Variants in KIAA0825 observed in about 807,000 individuals in gnomAD.
KIAA0825 encodes uncharacterized protein KIAA0825.
Under a neutral mutation model 147.6 loss-of-function variants are expected in KIAA0825, and 119 were observed. The ratio of observed to expected loss-of-function variants is 0.81; its 90% CI spans 0.69 to 0.94. The LOEUF (loss-of-function observed/expected upper bound fraction) is 0.94, where lower values mean the gene tolerates loss of function less well. Ranked by LOEUF, KIAA0825 falls within the 40% of genes least tolerant of loss-of-function variation. The pLI is 0.00. For synonymous variants in KIAA0825, 470 were observed against 518.1 expected (o/e 0.91, Z 1.26); for missense variants, 1,381 against 1,472.7 (o/e 0.94, Z 1.02).
chr5:94,265,975 C>T (rs892905730), intron 20 of KIAA0825, among the ~76,000 whole-genome samples: 6 of 152,138 alleles, frequency 3.9e-5, no homozygotes, highest in Admixed American at 2.6e-4. Flanking sequence ...ACTGCATACC[C>T]AAGTACAATG....
chr5:94,494,820 G>T (rs1029912362), intron 5 of KIAA0825, among the ~76,000 whole-genome samples: 3 of 152,002 alleles, frequency 2.0e-5, no homozygotes, highest in Admixed American at 2.0e-4. Context: ...TTGAACCTGA[G>T]AATTTATATT....
rs942322608 is a variant in KIAA0825, at chr5:94,345,197, G to T, written c.3710+39171C>A. Among the ~76,000 whole-genome samples, 13 of 152,062 alleles carry T rather than the reference G, an allele frequency of 8.5e-5. No individual in the cohort carries two copies. In the South Asian group the frequency reaches 1.2e-3, roughly 15 times the overall value. On this transcript the variant is annotated intron_variant, in intron 20 of 20. Transcript: ENST00000682413. ...AGGGTGGGGAACTTCAAGGGTGCTGGCAATATTCTATTCCTGGGCATAGGT... is the reference window on the plus strand; with the variant it reads ...AGGGTGGGGAACTTCAAGGGTGCTGTCAATATTCTATTCCTGGGCATAGGT...
intron 20 of KIAA0825, among the ~76,000 whole-genome samples, chr5:94,358,825 G>A (rs534497069): frequency 6.6e-6 from 1 of 152,176 alleles, no homozygotes; most frequent in South Asian, 2.1e-4. Context: ...AAATTATTAT[G>A]TTTACACATT....
At chr5:94,461,169 T>G (rs1237797819) in intron 12 of KIAA0825, among the ~76,000 whole-genome samples, 3 of 151,976 alleles carry the variant, frequency 2.0e-5, no homozygotes, top group Non-Finnish European at 4.4e-5. Flanking sequence ...ATGCAATCTT[T>G]GATAATAATT....
chr5:94,165,698 C>T (rs928669608), intron 20 of KIAA0825, among the ~76,000 whole-genome samples: 3 of 152,124 alleles, frequency 2.0e-5, no homozygotes, highest in African/African-American at 7.2e-5. Context: ...CTGTCATTTG[C>T]AACAGCACGG....
At position 94,593,384 on chromosome 5, in the gene KIAA0825, G is replaced by A. The variant is rs761959485; in HGVS notation, c.-152-10801C>T. ...GTCAACATATCTTCTTTAATATCAC[G>A]ACATTTTCAAGAACAACTGGTGAAC... is the stretch of plus-strand genomic sequence containing the variant. On this transcript the variant is annotated intron_variant, in intron 1 of 20. Transcript: ENST00000682413. The A allele has an allele frequency of 1.4e-4, 144 of 1,003,848 alleles. 1 individual carries two copies. The highest frequency in any genetic ancestry group is 1.1e-3 in the Admixed American group (53 of 50,370). 62.2% of individuals were successfully genotyped at this position (1,003,848 alleles called of 1,614,324 possible). A position where few individuals can be genotyped will look rare whatever the true frequency, so the allele number is the denominator to read the frequency against.
Position 94,464,891 on chromosome 5 carries a change from G to A in KIAA0825, c.2041C>T (p.Arg681Cys), listed in dbSNP as rs953934543. The A allele has an allele frequency of 1.0e-5, 16 of 1,550,826 alleles. No homozygotes were observed. The highest frequency in any genetic ancestry group is 3.9e-5 in the Admixed American group (2 of 50,816). ...ASRYARAHPSRKRTPQLRLDV... is the reference protein window; with the variant it reads ...ASRYARAHPSCKRTPQLRLDV... ...TACCTTAACTGTGGAGTTCTTTTACGGCTGGGGTGGGCCCGAGCGTATCTG... is the reference window on the plus strand; with the variant it reads ...TACCTTAACTGTGGAGTTCTTTTACAGCTGGGGTGGGCCCGAGCGTATCTG... Residue 681 changes from arginine (R) to cysteine (C), a missense_variant, in exon 11 of 21, where the codon CGT (arginine) becomes TGT (cysteine). Arg to Cys is a radical substitution (Grantham distance 180, BLOSUM62 -3). Transcript: ENST00000682413.
At chr5:94,446,659 G>A (rs1265825465) in intron 13 of KIAA0825, among the ~76,000 whole-genome samples, 1 of 152,128 alleles carries the variant, frequency 6.6e-6, no homozygotes, top group East Asian at 1.9e-4. Context: ...TTGAGAAGTG[G>A]GTAAGAGTTA....
At chr5:94,356,725 CTTT>C (rs1172838355) in intron 20 of KIAA0825, among the ~76,000 whole-genome samples, 7 of 116,706 alleles carry the variant, frequency 6.0e-5, no homozygotes, top group Non-Finnish European at 8.6e-5. Flanking sequence ...AACTTGATTT[CTTT>C]TTTTTTTTTT....
intron 12 of KIAA0825, among the ~76,000 whole-genome samples, 191 bp from the exon 13 acceptor site, chr5:94,453,260 C>T (rs1758648208): frequency 6.6e-6 from 1 of 151,930 alleles, no homozygotes. Flanking sequence ...GCAACCTCTG[C>T]CTCCCAGGGT....
intron 2 of KIAA0825, among the ~76,000 whole-genome samples, chr5:94,572,818 TTTTG>T (rs762125267): frequency 2.6e-5 from 4 of 152,136 alleles, no homozygotes; most frequent in Non-Finnish European, 5.9e-5. Flanking sequence ...TATAATTGAT[TTTTG>T]TTTGATATGA....
chr5:94,316,195 GA>G (rs1401802280), intron 20 of KIAA0825, among the ~76,000 whole-genome samples: 4 of 151,322 alleles, frequency 2.6e-5, no homozygotes, highest in East Asian at 2.0e-4. Flanking sequence ...CAAAAAGATA[GA>G]AAAAAAGTTA....
At position 94,153,943 on chromosome 5, in the gene KIAA0825, A is replaced by G; in HGVS notation, c.*64T>C. 1 of 1,156,378 alleles carries G rather than the reference A, an allele frequency of 8.6e-7. No homozygotes were observed. Among genetic ancestry groups the G allele is most frequent in the East Asian group, 2.6e-5 (1 of 38,968 alleles). 71.6% of individuals were successfully genotyped at this position (1,156,378 alleles called of 1,614,324 possible). A position where few individuals can be genotyped will look rare whatever the true frequency, so the allele number is the denominator to read the frequency against. ...ATATGAGGTTCATTCTGACTATGGT[A>G]AAAAATCCTACTCCATTACATGGGA... is the stretch of plus-strand genomic sequence containing the variant. On this transcript the variant is annotated 3_prime_UTR_variant, in exon 21 of 21. Transcript: ENST00000682413.
intron 15 of KIAA0825, among the ~76,000 whole-genome samples, chr5:94,410,250 CAAAAG>C (rs1172517845): frequency 7.0e-6 from 1 of 142,660 alleles, no homozygotes; most frequent in Non-Finnish European, 1.5e-5. Context: ...AGTATCCAAA[CAAAAG>C]AACAGACAGA....
chr5:94,237,015 A>C (rs1562328270), intron 20 of KIAA0825, among the ~76,000 whole-genome samples: 2 of 151,632 alleles, frequency 1.3e-5, no homozygotes, highest in African/African-American at 2.4e-5. Flanking sequence ...AACTGACAAT[A>C]TCTCTGAAGT....
At chr5:94,370,905 G>A (rs548748495) in intron 20 of KIAA0825, among the ~76,000 whole-genome samples, 1 of 151,920 alleles carries the variant, frequency 6.6e-6, no homozygotes, top group East Asian at 1.9e-4. Context: ...GGGAGACTCT[G>A]TCTCAAAAAA....
At chr5:94,267,987 A>G (rs543773355) in intron 20 of KIAA0825, among the ~76,000 whole-genome samples, 2 of 152,154 alleles carry the variant, frequency 1.3e-5, no homozygotes, top group South Asian at 2.1e-4. Flanking sequence ...AATGGTTTCT[A>G]TATGTTCTTA....
At chr5:94,212,406 A>G (rs896890815) in intron 20 of KIAA0825, among the ~76,000 whole-genome samples, 11 of 152,176 alleles carry the variant, frequency 7.2e-5, no homozygotes, top group South Asian at 2.1e-4. Flanking sequence ...ACATGTAAAC[A>G]TTTAGGAGAC....
chr5:94,599,936 AC>A (rs201326420), intron 1 of KIAA0825, among the ~76,000 whole-genome samples: 1 of 151,802 alleles, frequency 6.6e-6, no homozygotes, highest in Non-Finnish European at 1.5e-5. Context: ...TGTGTTGTCC[AC>A]CCCCCCAAAA....
Sources: gnomAD v4.1 joint callset for allele counts (sites outside exome capture counted in the v4.1 genomes callset) on GRCh38, gnomAD v4.1.1 for gene constraint, MANE v1.5 for transcripts, NCBI Gene and HGNC (gene_info 2026-07-23, HGNC 2026-07-21) for gene names.